CAMK2D: variants seen among roughly 807,000 people sequenced by gnomAD.
CAMK2D encodes calcium/calmodulin dependent protein kinase II delta.
In CAMK2D, 37 loss-of-function variants were observed where a neutral mutation model predicts 84.0. That is an observed-to-expected ratio of 0.44 (90% CI 0.34 to 0.58). CAMK2D has a LOEUF of 0.58. CAMK2D is among the 20% of genes least tolerant of loss of function. The pLI is 0.02. For missense variants in CAMK2D, 448 were observed against 652.5 expected, an observed-to-expected ratio of 0.69 and a Z score of 3.41; for synonymous variants, 202 against 212.5, an observed-to-expected ratio of 0.95 and a Z score of 0.43.
intron 4 of CAMK2D, among the ~76,000 whole-genome samples, chr4:113,603,199 GTTATTTTATT>G (rs142410533): frequency 1.4e-4 from 21 of 151,990 alleles, no homozygotes; most frequent in South Asian, 4.2e-4. Flanking sequence ...ATGACTTTGC[GTTATTTTATT>G]TTATTTTATT....
intron 16 of CAMK2D, among the ~76,000 whole-genome samples, chr4:113,469,124 G>A (rs1382333779): frequency 6.6e-6 from 1 of 152,188 alleles, no homozygotes; most frequent in Non-Finnish European, 1.5e-5. Context: ...GCCTGGAAGA[G>A]TAAGATAAGG....
chr4:113,548,083 C>T (rs2098596671), intron 5 of CAMK2D, among the ~76,000 whole-genome samples: 1 of 152,130 alleles, frequency 6.6e-6, no homozygotes, highest in Admixed American at 6.5e-5. Flanking sequence ...TTTCCCTTTT[C>T]TCTCCCATTT....
chr4:113,463,777 G>A (rs1026173247), intron 17 of CAMK2D, among the ~76,000 whole-genome samples: 5 of 152,064 alleles, frequency 3.3e-5, no homozygotes, highest in Non-Finnish European at 5.9e-5. Flanking sequence ...TTTCCAGGTC[G>A]CTAGAAACTC....
intron 4 of CAMK2D, among the ~76,000 whole-genome samples, chr4:113,586,601 A>G (rs181350282): frequency 6.6e-6 from 1 of 152,236 alleles, no homozygotes; most frequent in East Asian, 1.9e-4. Context: ...TCTTTTCTCA[A>G]TAGAACAACC....
intron 2 of CAMK2D, among the ~76,000 whole-genome samples, chr4:113,744,310 C>G (rs1464599175): frequency 6.6e-6 from 1 of 152,146 alleles, no homozygotes; most frequent in Non-Finnish European, 1.5e-5. Context: ...TGACCCAATC[C>G]TCGTGACCTT....
At chr4:113,757,907 A>T (rs1326192554) in intron 2 of CAMK2D, among the ~76,000 whole-genome samples, 1 of 152,138 alleles carries the variant, frequency 6.6e-6, no homozygotes, top group Non-Finnish European at 1.5e-5. Context: ...GAAAGTTAGT[A>T]AAAGTGAAGC....
intron 14 of CAMK2D, chr4:113,503,275 T>C (rs1316427365): frequency 9.7e-6 from 6 of 621,430 alleles, no homozygotes; most frequent in Non-Finnish European, 1.5e-5. Context: ...CTGTTTCACT[T>C]AATCCTATGC....
At chr4:113,614,679 C>T (rs1015761472) in intron 3 of CAMK2D, among the ~76,000 whole-genome samples, 18 of 152,110 alleles carry the variant, frequency 1.2e-4, no homozygotes, top group Non-Finnish European at 2.9e-5. Context: ...ATCCAGTCAA[C>T]TCATAGAATT....
chr4:113,611,395 T>G (rs2098999721), intron 3 of CAMK2D, among the ~76,000 whole-genome samples: 1 of 152,184 alleles, frequency 6.6e-6, no homozygotes, highest in Non-Finnish European at 1.5e-5. Context: ...CTTAAAGAAC[T>G]CATAACAATT....
chr4:113,511,744 T>C lies in CAMK2D; in HGVS notation c.946+1584A>G, dbSNP rs181309562. Reference sequence around the variant, plus strand: ...TGACAAAGGCAGCAACAAGGTATTATTACACTAAATGAATTGGACAAAATA... The same window carrying C: ...TGACAAAGGCAGCAACAAGGTATTACTACACTAAATGAATTGGACAAAATA... On this transcript the variant is annotated intron_variant, in intron 12 of 20. Coordinates refer to ENST00000511664, the MANE Select transcript of CAMK2D (RefSeq NM_001321571.2). 3.5e-3 allele frequency among the ~76,000 whole-genome samples: 533 copies of C among 152,326 alleles called. 2 individuals carry two copies. Among genetic ancestry groups the C allele is most frequent in the Non-Finnish European group, 6.0e-3 (410 of 68,014 alleles).
chr4:113,666,016 T>C (rs1434082840), intron 2 of CAMK2D, among the ~76,000 whole-genome samples: 1 of 152,230 alleles, frequency 6.6e-6, no homozygotes, highest in Non-Finnish European at 1.5e-5. Flanking sequence ...ATATTTTATT[T>C]CAAATGAGGT....
intron 2 of CAMK2D, among the ~76,000 whole-genome samples, chr4:113,721,165 A>G (rs1258900284): frequency 6.6e-6 from 1 of 152,156 alleles, no homozygotes; most frequent in Non-Finnish European, 1.5e-5. Context: ...ATTAGAGATA[A>G]TCATCTGCGG....
chr4:113,619,020 C>CT (rs967019882), intron 3 of CAMK2D, among the ~76,000 whole-genome samples: 3 of 152,146 alleles, frequency 2.0e-5, no homozygotes, highest in Non-Finnish European at 4.4e-5. Flanking sequence ...GGTGCATTTG[C>CT]TTGTTTCACT....
At chr4:113,737,262 G>A (rs1479672395) in intron 2 of CAMK2D, among the ~76,000 whole-genome samples, 1 of 152,044 alleles carries the variant, frequency 6.6e-6, no homozygotes, top group Admixed American at 6.6e-5. Flanking sequence ...ATCAACAGAC[G>A]AATGGATAAA....
At chr4:113,582,686 T>G (rs79793004) in intron 4 of CAMK2D, among the ~76,000 whole-genome samples, 1 of 152,378 alleles carries the variant, frequency 6.6e-6, no homozygotes, top group African/African-American at 2.4e-5. Flanking sequence ...TATTTCAGGC[T>G]GTTATTTAAA....
intron 2 of CAMK2D, among the ~76,000 whole-genome samples, chr4:113,751,194 T>C (rs1413507693): frequency 6.6e-6 from 1 of 152,164 alleles, no homozygotes; most frequent in African/African-American, 2.4e-5. Flanking sequence ...ATGAGTCTAC[T>C]GGGAATATGC....
intron 2 of CAMK2D, among the ~76,000 whole-genome samples, chr4:113,721,464 A>T (rs1179851589): frequency 2.0e-5 from 3 of 152,186 alleles, no homozygotes; most frequent in African/African-American, 4.8e-5. Context: ...TTCTACAACC[A>T]ATTGTGTCAC....
At chr4:113,615,729 G>C (rs1054611798) in intron 3 of CAMK2D, among the ~76,000 whole-genome samples, 1 of 151,960 alleles carries the variant, frequency 6.6e-6, no homozygotes, top group Non-Finnish European at 1.5e-5. Context: ...ATATAGACAG[G>C]TATAGATACA....
At chr4:113,503,402 G>A (rs1224803090) in intron 14 of CAMK2D, 1 of 432,662 alleles carries the variant, frequency 2.3e-6, no homozygotes, top group Non-Finnish European at 4.5e-6. Context: ...TATTTTTTCA[G>A]TTATATTGGT....
Sources: gnomAD v4.1 joint callset for allele counts (sites outside exome capture counted in the v4.1 genomes callset) on GRCh38, gnomAD v4.1.1 for gene constraint, MANE v1.5 for transcripts, NCBI Gene and HGNC (gene_info 2026-07-23, HGNC 2026-07-21) for gene names.